Variants in NAALADL2 observed in about 807,000 individuals in gnomAD.
The protein encoded by NAALADL2 is N-acetylated alpha-linked acidic dipeptidase like 2, also known as inactive N-acetylated-alpha-linked acidic dipeptidase-like protein 2.
Under a neutral mutation model 87.2 loss-of-function variants are expected in NAALADL2, and 76 were observed. That is an observed-to-expected ratio of 0.87 (90% CI 0.72 to 1.05). NAALADL2 has a LOEUF of 1.05. NAALADL2 is among the 50% of genes least tolerant of loss of function. The pLI, the probability that NAALADL2 is intolerant of heterozygous loss-of-function variation, is 0.00. For synonymous variants in NAALADL2, 354 were observed against 331.0 expected (o/e 1.07, Z -0.75); for missense variants, 1,089 against 945.8 (o/e 1.15, Z -1.99).
chr3:174,512,157 C>T (rs960581782), intron 1 of NAALADL2, among the ~76,000 whole-genome samples: 4 of 152,062 alleles, frequency 2.6e-5, no homozygotes, highest in Admixed American at 6.6e-5. Context: ...GATGTAGTAG[C>T]AATAATTTTT....
chr3:175,539,414 T>A (rs1582311787), intron 9 of NAALADL2, among the ~76,000 whole-genome samples: 1 of 152,144 alleles, frequency 6.6e-6, no homozygotes, highest in African/African-American at 2.4e-5. Context: ...CCATTAAATA[T>A]AGGGGCTAAG....
At chr3:175,469,639 A>G (rs1036132025) in intron 8 of NAALADL2, among the ~76,000 whole-genome samples, 14 of 152,052 alleles carry the variant, frequency 9.2e-5, no homozygotes, top group Non-Finnish European at 1.2e-4. Context: ...TCTTCTGTGA[A>G]GAATCCTCGT....
intron 3 of NAALADL2, among the ~76,000 whole-genome samples, chr3:174,816,430 G>A (rs181492254): frequency 6.8e-6 from 1 of 146,122 alleles, no homozygotes; most frequent in African/African-American, 2.5e-5. Context: ...GTGTGTGTGT[G>A]TATCTCAGTA....
intron 11 of NAALADL2, among the ~76,000 whole-genome samples, chr3:175,712,278 A>G (rs930896216): frequency 3.3e-5 from 5 of 152,052 alleles, no homozygotes; most frequent in African/African-American, 1.2e-4. Flanking sequence ...AATAAGTTAC[A>G]TTTATATCAT....
At chr3:175,506,234 T>C (rs1730290617) in intron 9 of NAALADL2, among the ~76,000 whole-genome samples, 1 of 152,236 alleles carries the variant, frequency 6.6e-6, no homozygotes, top group Non-Finnish European at 1.5e-5. Context: ...GAACTGCCAG[T>C]TTATCTTCTG....
At chr3:175,693,661 A>G (rs908007014) in intron 11 of NAALADL2, among the ~76,000 whole-genome samples, 1 of 152,096 alleles carries the variant, frequency 6.6e-6, no homozygotes, top group Admixed American at 6.6e-5. Context: ...TTAAAAAAAA[A>G]TTCTCAGAAA....
chr3:174,912,894 A>G (rs1234334563), intron 1 of NAALADL2, among the ~76,000 whole-genome samples: 2 of 152,198 alleles, frequency 1.3e-5, no homozygotes, highest in Non-Finnish European at 2.9e-5. Flanking sequence ...TTTGAACATG[A>G]TAAACTAGTC....
chr3:174,707,919 T>C (rs749117228), intron 2 of NAALADL2, among the ~76,000 whole-genome samples: 2 of 152,200 alleles, frequency 1.3e-5, no homozygotes, highest in Non-Finnish European at 2.9e-5. Context: ...AAGTATGTAT[T>C]TATAGACATA....
intron 1 of NAALADL2, among the ~76,000 whole-genome samples, chr3:175,085,696 G>A (rs1335164887): frequency 1.3e-5 from 2 of 152,142 alleles, no homozygotes; most frequent in South Asian, 2.1e-4. Context: ...AGGCCTAGCA[G>A]ATCATGAGGT....
chr3:175,416,409 ACTG>A (rs897350997), intron 5 of NAALADL2, among the ~76,000 whole-genome samples: 5 of 152,126 alleles, frequency 3.3e-5, no homozygotes, highest in African/African-American at 1.2e-4. Flanking sequence ...CATTCTGAAG[ACTG>A]CTATTTGTTT....
intron 5 of NAALADL2, among the ~76,000 whole-genome samples, chr3:175,374,799 G>A (rs1229855553): frequency 6.6e-6 from 1 of 151,440 alleles, no homozygotes; most frequent in East Asian, 1.9e-4. Context: ...CCTGAGCCTG[G>A]GGAGGGAGAA....
intron 1 of NAALADL2, among the ~76,000 whole-genome samples, chr3:174,945,329 G>A (rs551873328): frequency 3.3e-5 from 5 of 152,232 alleles, no homozygotes; most frequent in Admixed American, 6.5e-5. Context: ...TTTGCACTAG[G>A]GATGATAACT....
chr3:175,151,340 T>G (rs1341343572), intron 2 of NAALADL2, among the ~76,000 whole-genome samples: 1 of 152,202 alleles, frequency 6.6e-6, no homozygotes, highest in Non-Finnish European at 1.5e-5. Flanking sequence ...ACGGCCTACC[T>G]TAGGCACTCG....
At chr3:175,068,797 C>T (rs568916675) in intron 1 of NAALADL2, among the ~76,000 whole-genome samples, 41 of 152,108 alleles carry the variant, frequency 2.7e-4, no homozygotes, top group Admixed American at 7.2e-4. Flanking sequence ...CCATCTGGGA[C>T]GCAACATTTG....
chr3:175,610,176 AG>A (rs1215324337), intron 10 of NAALADL2, among the ~76,000 whole-genome samples: 1 of 152,182 alleles, frequency 6.6e-6, no homozygotes, highest in African/African-American at 2.4e-5. Flanking sequence ...AAATACAAGT[AG>A]GAAAACATAG....
At chr3:174,948,924 G>C (rs1739903811) in intron 1 of NAALADL2, among the ~76,000 whole-genome samples, 1 of 152,174 alleles carries the variant, frequency 6.6e-6, no homozygotes, top group Non-Finnish European at 1.5e-5. Context: ...CTGGAGGCAG[G>C]GAAGTCCAAG....
intron 4 of NAALADL2, among the ~76,000 whole-genome samples, chr3:175,304,541 C>T (rs1757465455): frequency 6.6e-6 from 1 of 152,132 alleles, no homozygotes; most frequent in Non-Finnish European, 1.5e-5. Flanking sequence ...CTGTTGTTGG[C>T]TTTATTAAAG....
intron 4 of NAALADL2, among the ~76,000 whole-genome samples, chr3:175,312,916 A>G (rs544017870): frequency 1.8e-3 from 277 of 152,310 alleles, no homozygotes; most frequent in Non-Finnish European, 2.0e-3. Flanking sequence ...ATAGTTTGGC[A>G]CATATTTGCC....
chr3:175,615,981 A>T, intron 10 of NAALADL2, among the ~76,000 whole-genome samples: 1 of 147,460 alleles, frequency 6.8e-6, no homozygotes, highest in East Asian at 1.9e-4. Context: ...CTTATAATAT[A>T]TATTATATCA....
Sources: gnomAD v4.1 joint callset for allele counts (sites outside exome capture counted in the v4.1 genomes callset) on GRCh38, gnomAD v4.1.1 for gene constraint, MANE v1.5 for transcripts, NCBI Gene and HGNC (gene_info 2026-07-23, HGNC 2026-07-21) for gene names.